The following NKAIN3 variants were observed in gnomAD, a reference collection of about 807,000 sequenced individuals.
NKAIN3 encodes sodium/potassium transporting ATPase interacting 3, also known as sodium/potassium-transporting ATPase subunit beta-1-interacting protein 3.
In NKAIN3, 25 loss-of-function variants were observed where a neutral mutation model predicts 30.2. The ratio of observed to expected loss-of-function variants is 0.83; its 90% CI spans 0.60 to 1.16. The LOEUF is 1.16. Among genes scored for constraint, NKAIN3 ranks in the 50% most tolerant of loss-of-function variants. NKAIN3 has a pLI of 0.00. For synonymous variants in NKAIN3, 91 were observed against 89.6 expected (o/e 1.02, Z -0.09); for missense variants, 225 against 254.1 (o/e 0.89, Z 0.78).
intron 3 of NKAIN3, among the ~76,000 whole-genome samples, chr8:62,742,406 T>A (rs1815932832): frequency 6.6e-6 from 1 of 152,222 alleles, no homozygotes; most frequent in Non-Finnish European, 1.5e-5. Flanking sequence ...GACATCATTG[T>A]AAATTTATGT....
At chr8:62,655,807 G>A (rs1425176988) in intron 3 of NKAIN3, among the ~76,000 whole-genome samples, 2 of 152,046 alleles carry the variant, frequency 1.3e-5, no homozygotes, top group South Asian at 2.1e-4. Context: ...CCAAACAACA[G>A]GTGTTTGCAA....
chr8:62,433,998 G>A (rs1203351164), intron 1 of NKAIN3, among the ~76,000 whole-genome samples: 1 of 152,082 alleles, frequency 6.6e-6, no homozygotes, highest in African/African-American at 2.4e-5. Flanking sequence ...TGAGTCCTGG[G>A]CACACAGATA....
chr8:62,724,448 C>G (rs1279431309), intron 3 of NKAIN3, among the ~76,000 whole-genome samples: 1 of 151,900 alleles, frequency 6.6e-6, no homozygotes, highest in Admixed American at 6.6e-5. Context: ...CTGTAGTAAC[C>G]CTGTTGTGCT....
At chr8:62,851,171 C>T (rs1819883644) in intron 4 of NKAIN3, among the ~76,000 whole-genome samples, 1 of 152,132 alleles carries the variant, frequency 6.6e-6, no homozygotes, top group Non-Finnish European at 1.5e-5. Flanking sequence ...AGGTCCTTCA[C>T]ATCCCTTGTA....
chr8:62,863,270 C>T (rs562048577), intron 4 of NKAIN3: 20 of 1,554,830 alleles, frequency 1.3e-5, no homozygotes, highest in Non-Finnish European at 1.7e-5. Flanking sequence ...GATATTTTTC[C>T]TATAGGTTTC....
chr8:62,957,937 AG>A (rs1373755934), intron 6 of NKAIN3, among the ~76,000 whole-genome samples: 1 of 152,190 alleles, frequency 6.6e-6, no homozygotes, highest in Non-Finnish European at 1.5e-5. Context: ...ATAATGGAAA[AG>A]GCTGTGTGAG....
intron 1 of NKAIN3, among the ~76,000 whole-genome samples, chr8:62,534,425 C>T (rs920078328): frequency 2.0e-5 from 3 of 152,168 alleles, no homozygotes; most frequent in Admixed American, 1.3e-4. Flanking sequence ...ACCACGAAAT[C>T]ATACCCACCA....
In NKAIN3 at chr8:62,975,051, C is replaced by A. The variant is rs190215069; in HGVS notation, c.*9644C>A. Among the ~76,000 whole-genome samples the A allele has an allele frequency of 7.9e-5, 12 of 152,182 alleles. No individual in the cohort carries two copies. The highest frequency in any genetic ancestry group is 4.2e-4 in the South Asian group (2 of 4,816). ...GGGTAAGCTTTTTAATGTACTGCTG[C>A]ATTTCTTTTGCCAGTGTTTCATTGG... On this transcript the variant is annotated 3_prime_UTR_variant, in exon 7 of 7. Coordinates refer to ENST00000623646, the MANE Select transcript of NKAIN3 (RefSeq NM_001304533.3).
In NKAIN3 at chr8:62,977,592, T is replaced by C. The variant is rs940630342; in HGVS notation, c.*12185T>C. Reference sequence around the variant, plus strand: ...AACTGGTTATTCTCTAAACTGGTTATTCTAGTTAGCAATTCCTCTAACCTT... The same window carrying C: ...AACTGGTTATTCTCTAAACTGGTTACTCTAGTTAGCAATTCCTCTAACCTT... On this transcript the variant is annotated 3_prime_UTR_variant, in exon 7 of 7. Coordinates refer to ENST00000623646, the MANE Select transcript of NKAIN3 (RefSeq NM_001304533.3). 1.3e-5 allele frequency among the ~76,000 whole-genome samples: 2 copies of C among 151,924 alleles called. No individual in the cohort carries two copies. Among genetic ancestry groups the C allele is most frequent in the Non-Finnish European group, 2.9e-5 (2 of 68,016 alleles).
rs34258703 is a variant in NKAIN3, at chr8:62,741,026, GAA to G, written c.274-5893_274-5892del. ...TACTACCTTGACTCCTAAACTTTAT[GAA>G]AAAAAAAAAAAACACCAAATCTTCT... On this transcript the variant is annotated intron_variant, in intron 3 of 6. Transcript: ENST00000623646. Among the ~76,000 whole-genome samples the G allele has an allele frequency of 3.8e-3, 505 of 134,546 alleles. 3 individuals are homozygous for G. Among genetic ancestry groups the G allele is most frequent in the African/African-American group, 0.013 (482 of 36,704 alleles). The allele number at this position is 134,546 out of a possible 152,430, so 88.3% of individuals were successfully genotyped here. A position where few individuals can be genotyped will look rare whatever the true frequency, so the allele number is the denominator to read the frequency against.
At chr8:62,332,056 T>C (rs1483138329) in intron 1 of NKAIN3, among the ~76,000 whole-genome samples, 1 of 152,126 alleles carries the variant, frequency 6.6e-6, no homozygotes, top group Admixed American at 6.6e-5. Context: ...TTTCTACTTG[T>C]TGCCCTTCAA....
intron 1 of NKAIN3, among the ~76,000 whole-genome samples, chr8:62,554,689 T>C (rs1809329040): frequency 6.6e-6 from 1 of 152,072 alleles, no homozygotes; most frequent in South Asian, 2.1e-4. Flanking sequence ...ACAAATAAAA[T>C]TCCTACCTGA....
chr8:62,863,339 C>A, intron 4 of NKAIN3: 2 of 1,548,324 alleles, frequency 1.3e-6, no homozygotes, highest in African/African-American at 1.4e-5. Flanking sequence ...GCTTTCTGCC[C>A]CTCAGTGGTC....
chr8:62,840,132 G>A (rs959832234), intron 4 of NKAIN3, among the ~76,000 whole-genome samples: 1 of 152,030 alleles, frequency 6.6e-6, no homozygotes, highest in Non-Finnish European at 1.5e-5. Flanking sequence ...TACGAGCTCA[G>A]CCTTACTGTT....
chr8:62,544,203 A>G (rs567653894), intron 1 of NKAIN3, among the ~76,000 whole-genome samples: 4 of 152,096 alleles, frequency 2.6e-5, no homozygotes, highest in Non-Finnish European at 5.9e-5. Context: ...TAGTCTCACC[A>G]TGTTGCCCAG....
intron 1 of NKAIN3, among the ~76,000 whole-genome samples, chr8:62,432,810 T>C (rs1805056813): frequency 6.6e-6 from 1 of 152,112 alleles, no homozygotes; most frequent in Non-Finnish European, 1.5e-5. Context: ...GGACACTTCA[T>C]TGAGAAGATC....
chr8:62,606,114 C>T (rs1329147406), intron 3 of NKAIN3, among the ~76,000 whole-genome samples: 1 of 152,106 alleles, frequency 6.6e-6, no homozygotes, highest in Non-Finnish European at 1.5e-5. Flanking sequence ...GATCCACCAT[C>T]TCCATCTTAC....
At chr8:62,621,057 G>C (rs1324120004) in intron 3 of NKAIN3, among the ~76,000 whole-genome samples, 1 of 152,176 alleles carries the variant, frequency 6.6e-6, no homozygotes, top group Non-Finnish European at 1.5e-5. Context: ...GTAATCGCAA[G>C]TGCTCATTTG....
chr8:62,812,493 G>T (rs1272732285), intron 4 of NKAIN3, among the ~76,000 whole-genome samples: 2 of 151,492 alleles, frequency 1.3e-5, no homozygotes, highest in African/African-American at 2.4e-5. Flanking sequence ...TACTAATTTA[G>T]AACTTTTCTT....
Sources: allele counts gnomAD v4.1 joint callset (sites outside exome capture counted in the v4.1 genomes callset), GRCh38; gene constraint gnomAD v4.1.1; transcripts MANE v1.5; gene names NCBI Gene and HGNC (gene_info 2026-07-23, HGNC 2026-07-21).